The following CTNNA1 variants were observed in gnomAD, a reference collection of about 807,000 sequenced individuals.
The protein encoded by CTNNA1 is catenin alpha 1, also known as catenin alpha-1.
In CTNNA1, 37 loss-of-function variants were observed where a neutral mutation model predicts 98.4. That is an observed-to-expected ratio of 0.38 (90% CI 0.29 to 0.49). The LOEUF is 0.49. Among genes scored for constraint, CTNNA1 ranks in the 20% least tolerant of loss-of-function variants. CTNNA1 has a pLI of 0.95. For missense variants in CTNNA1, 761 were observed against 1,147.2 expected, an observed-to-expected ratio of 0.66 and a Z score of 4.86; for synonymous variants, 404 against 413.2, an observed-to-expected ratio of 0.98 and a Z score of 0.27.
At chr5:138,911,523 G>GAA (rs1760631141) in intron 10 of CTNNA1, among the ~76,000 whole-genome samples, 1 of 152,168 alleles carries the variant, frequency 6.6e-6, no homozygotes, top group South Asian at 2.1e-4. Context: ...AGGCAGAGAA[G>GAA]AAAATACAGT....
At chr5:138,780,338 C>T (rs886949959) in intron 1 of CTNNA1, among the ~76,000 whole-genome samples, 28 of 150,872 alleles carry the variant, frequency 1.9e-4, no homozygotes, top group African/African-American at 6.3e-4. Context: ...TACAGGTGCC[C>T]GCCACTGCGC....
At chr5:138,924,178 T>A (rs959878395) in intron 11 of CTNNA1, among the ~76,000 whole-genome samples, 23 of 152,332 alleles carry the variant, frequency 1.5e-4, no homozygotes, top group African/African-American at 5.5e-4. Flanking sequence ...GGAAGATAAG[T>A]TATTGATGCT....
chr5:138,930,789 G>T, intron 15 of CTNNA1, 41 bp from the exon 16 acceptor site: 2 of 1,525,298 alleles, frequency 1.3e-6, no homozygotes, highest in Non-Finnish European at 1.8e-6. Context: ...ACTGTGAGGG[G>T]CTTCACATAC....
intron 7 of CTNNA1, among the ~76,000 whole-genome samples, chr5:138,866,339 T>A (rs2149900174): frequency 6.7e-6 from 1 of 148,504 alleles, no homozygotes; most frequent in South Asian, 2.1e-4. Context: ...TTGGTACAAA[T>A]ACTAGGGCCT....
At chr5:138,798,902 C>T (rs1446671664) in intron 3 of CTNNA1, among the ~76,000 whole-genome samples, 1 of 152,060 alleles carries the variant, frequency 6.6e-6, no homozygotes, top group Non-Finnish European at 1.5e-5. Context: ...ACCTCAGTTT[C>T]CCCAGTTTGC....
intron 12 of CTNNA1, among the ~76,000 whole-genome samples, 197 bp downstream of exon 12, chr5:138,924,907 GA>G (rs1412535938): frequency 6.6e-6 from 1 of 152,156 alleles, no homozygotes; most frequent in Admixed American, 6.5e-5. Context: ...TGTATCTCAT[GA>G]GTAATCACGG....
chr5:138,800,403 GT>G (rs2149703482), intron 3 of CTNNA1, among the ~76,000 whole-genome samples: 1 of 152,236 alleles, frequency 6.6e-6, no homozygotes. Context: ...GCAAGGGATG[GT>G]TTGATACTTT....
chr5:138,843,033 A>G (rs987500355), intron 7 of CTNNA1, among the ~76,000 whole-genome samples: 3 of 152,228 alleles, frequency 2.0e-5, no homozygotes, highest in African/African-American at 7.2e-5. Flanking sequence ...CAATAATTGT[A>G]TATTTTGGAT....
rs139447519 is a variant in CTNNA1, at chr5:138,879,531, C to T, written c.1063-6681C>T. ...TCACCCAGGCTGGAGTGCAGAGGCA[C>T]GATCATAGCTCACTGTAACCTTGAA... On this transcript the variant is annotated intron_variant, in intron 7 of 17. Coordinates refer to ENST00000302763, the MANE Select transcript of CTNNA1 (RefSeq NM_001903.5). Among the ~76,000 whole-genome samples, 396 of 152,008 alleles carry T rather than the reference C, an allele frequency of 2.6e-3. 2 individuals carry two copies. The highest frequency in any genetic ancestry group is 4.8e-3 in the Non-Finnish European group (324 of 67,998).
At chr5:138,769,389 T>C (rs1312273361) in intron 1 of CTNNA1, among the ~76,000 whole-genome samples, 1 of 151,592 alleles carries the variant, frequency 6.6e-6, no homozygotes, top group Admixed American at 6.6e-5. Flanking sequence ...GTTATTATTA[T>C]TATTATTATT....
chr5:138,824,852 A>G, intron 6 of CTNNA1, 53 bp downstream of exon 6: 2 of 1,553,472 alleles, frequency 1.3e-6, no homozygotes, highest in Non-Finnish European at 1.8e-6. Context: ...CCCAAAAGAT[A>G]ACAGATTTCT....
rs1413922065 is a variant in CTNNA1, at chr5:138,930,466, A to G, written c.2011-7A>G. 6.2e-7 allele frequency: 1 copy of G among 1,606,746 alleles called. No homozygotes were observed. The highest frequency in any genetic ancestry group is 1.1e-5 in the South Asian group (1 of 89,994). ...TATGTAAGAGCTCTTTGTGCTTCTGATCACAGGCGATCATGGCTCAGCTTC... is the reference window on the plus strand; with the variant it reads ...TATGTAAGAGCTCTTTGTGCTTCTGGTCACAGGCGATCATGGCTCAGCTTC... On this transcript the variant is annotated splice_polypyrimidine_tract_variant and splice_region_variant and intron_variant, in intron 14 of 17. Transcript: ENST00000302763.
intron 5 of CTNNA1, among the ~76,000 whole-genome samples, chr5:138,814,343 G>A (rs895412519): frequency 6.6e-6 from 1 of 151,732 alleles, no homozygotes; most frequent in Non-Finnish European, 1.5e-5. Flanking sequence ...CCGCCTCCCG[G>A]GTTCAAGTGA....
At chr5:138,845,810 A>G (rs1328562778) in intron 7 of CTNNA1, among the ~76,000 whole-genome samples, 1 of 151,988 alleles carries the variant, frequency 6.6e-6, no homozygotes, top group Non-Finnish European at 1.5e-5. Flanking sequence ...TATGATTGCC[A>G]TGTCCTGGGT....
At chr5:138,883,121 C>G (rs1753297587) in intron 7 of CTNNA1, among the ~76,000 whole-genome samples, 2 of 152,182 alleles carry the variant, frequency 1.3e-5, no homozygotes, top group African/African-American at 4.8e-5. Flanking sequence ...CCCGCCTCAG[C>G]CTCCCAAAGT....
chr5:138,889,143 G>A (rs1754781349), intron 9 of CTNNA1, among the ~76,000 whole-genome samples: 1 of 152,164 alleles, frequency 6.6e-6, no homozygotes, highest in Non-Finnish European at 1.5e-5. Flanking sequence ...CTTGTAAGTA[G>A]CATACATATT....
intron 11 of CTNNA1, 80 bp from the exon 12 acceptor site, chr5:138,924,430 A>G: frequency 7.0e-7 from 1 of 1,427,538 alleles, no homozygotes; most frequent in South Asian, 1.3e-5. Flanking sequence ...AGCAAACAAT[A>G]AATGATAGAT....
chr5:138,930,166 T>A (rs982277481), intron 14 of CTNNA1, among the ~76,000 whole-genome samples: 2 of 152,196 alleles, frequency 1.3e-5, no homozygotes, highest in African/African-American at 4.8e-5. Flanking sequence ...TCATTTCTTG[T>A]CTTATATTAA....
At chr5:138,830,123 C>T (rs1161993432) in intron 7 of CTNNA1, among the ~76,000 whole-genome samples, 7 of 151,164 alleles carry the variant, frequency 4.6e-5, no homozygotes, top group Admixed American at 2.6e-4. Context: ...GCCAAGATCA[C>T]GCCACTGCAC....
Sources: gnomAD v4.1 joint callset for allele counts (sites outside exome capture counted in the v4.1 genomes callset) on GRCh38, gnomAD v4.1.1 for gene constraint, MANE v1.5 for transcripts, NCBI Gene and HGNC (gene_info 2026-07-23, HGNC 2026-07-21) for gene names.